Variants in LYPD1 observed in about 807,000 individuals in gnomAD.
LYPD1 encodes the protein LY6/PLAUR domain containing 1, also known as ly6/PLAUR domain-containing protein 1.
A neutral mutation model predicts 14.2 loss-of-function variants in LYPD1; 14 were observed. The observed-to-expected ratio is 0.99, with a 90% CI of 0.65 to 1.54. The LOEUF (loss-of-function observed/expected upper bound fraction) is 1.54, where lower values mean the gene tolerates loss of function less well. Ranked by LOEUF, LYPD1 falls within the 40% of genes most tolerant of loss-of-function variation. The pLI is 0.00. For missense variants in LYPD1, 165 were observed against 175.7 expected (o/e 0.94, Z 0.34); for synonymous variants, 85 against 70.6 (o/e 1.20, Z -1.02).
At chr2:132,651,923 A>C (rs1279459897) in intron 2 of LYPD1, among the ~76,000 whole-genome samples, 1 of 152,214 alleles carries the variant, frequency 6.6e-6, no homozygotes, top group Non-Finnish European at 1.5e-5. Flanking sequence ...GGCATCTCTG[A>C]AACATGAGAC....
rs1218107650 is a variant in LYPD1, at chr2:132,645,535, C to T, written c.*510G>A. 8 of 1,614,044 alleles carry T rather than the reference C, an allele frequency of 5.0e-6. No homozygotes were observed. The highest frequency in any genetic ancestry group is 2.2e-5 in the East Asian group (1 of 44,858). On this transcript the variant is annotated 3_prime_UTR_variant, in exon 3 of 3. Coordinates refer to ENST00000397463, the MANE Select transcript of LYPD1 (RefSeq NM_144586.7). ...GTCCCAGTCATTGAGTCTCGAGTCACTAGAGCCCAACTCAGGCGCGAAACC... is the reference window on the plus strand; with the variant it reads ...GTCCCAGTCATTGAGTCTCGAGTCATTAGAGCCCAACTCAGGCGCGAAACC...
chr2:132,669,556 G>A lies in LYPD1; in HGVS notation c.52+325C>T, dbSNP rs1049841459. Reference sequence around the variant, plus strand: ...CGCCAGACAACTTGGCAGGGTTCGGGAGATGTCGCCCCCTCTCCCTCGCCC... The same window carrying A: ...CGCCAGACAACTTGGCAGGGTTCGGAAGATGTCGCCCCCTCTCCCTCGCCC... On this transcript the variant is annotated intron_variant, in intron 1 of 2. Coordinates refer to ENST00000397463, the MANE Select transcript of LYPD1 (RefSeq NM_144586.7). This position sits in a 1 kb window ranked among gnomAD's most constrained non-coding sequence, Gnocchi z 4.3. Among the ~76,000 whole-genome samples, 1 of 152,128 alleles carries A rather than the reference G, an allele frequency of 6.6e-6. No homozygotes were observed. Among genetic ancestry groups the A allele is most frequent in the African/African-American group, 2.4e-5 (1 of 41,446 alleles).
intron 2 of LYPD1, among the ~76,000 whole-genome samples, chr2:132,655,221 TG>T (rs1682516989): frequency 6.6e-6 from 1 of 152,186 alleles, no homozygotes; most frequent in Non-Finnish European, 1.5e-5. Context: ...TATCTGGTCT[TG>T]TCTATGACTG....
At chr2:132,668,674 G>C in intron 1 of LYPD1, 137 bp from the exon 2 acceptor site, 1 of 1,242,056 alleles carries the variant, frequency 8.1e-7, no homozygotes, top group Non-Finnish European at 1.1e-6. Flanking sequence ...TCCGGGTAGG[G>C]CTGGATGTGG....
rs1019463190 is a variant in LYPD1 at position 132,645,410 on chromosome 2, A to C, written c.*635T>G. 1 of 1,613,608 alleles carries C rather than the reference A, an allele frequency of 6.2e-7. No individual in the cohort carries two copies. Among genetic ancestry groups the C allele is most frequent in the South Asian group, 1.1e-5 (1 of 91,056 alleles). ...ACCACCGACAGCGCCCGCTTTGTGCAGCGCCCGTTGCTCTTCGCGTCCCGG... is the reference window on the plus strand; with the variant it reads ...ACCACCGACAGCGCCCGCTTTGTGCCGCGCCCGTTGCTCTTCGCGTCCCGG... On this transcript the variant is annotated 3_prime_UTR_variant, in exon 3 of 3. Transcript: ENST00000397463.
Position 132,645,676 on chromosome 2 carries a change from A to C in LYPD1, c.*369T>G. 2.6e-6 allele frequency: 4 copies of C among 1,535,670 alleles called. No individual in the cohort carries two copies. The highest frequency in any genetic ancestry group is 3.5e-6 in the Non-Finnish European group (4 of 1,142,858). On this transcript the variant is annotated 3_prime_UTR_variant, in exon 3 of 3. Coordinates refer to ENST00000397463, the MANE Select transcript of LYPD1 (RefSeq NM_144586.7). Reference sequence around the variant, plus strand: ...TAAGAAAACGTCACTCTCACTCTGCAGTCTCAAACTATGCCCCCATCAGGG... The same window carrying C: ...TAAGAAAACGTCACTCTCACTCTGCCGTCTCAAACTATGCCCCCATCAGGG...
chr2:132,646,440 A>G lies in LYPD1; in HGVS notation c.191-160T>C, dbSNP rs1384917155. On this transcript the variant is annotated intron_variant, in intron 2 of 2. Coordinates refer to ENST00000397463, the MANE Select transcript of LYPD1 (RefSeq NM_144586.7). Reference sequence around the variant, plus strand: ...GCTTCGGATTGTCTCATTGATATTCAAGATAGATGGTGAAAGAGACAGGCA... The same window carrying G: ...GCTTCGGATTGTCTCATTGATATTCGAGATAGATGGTGAAAGAGACAGGCA... 3 of 420,892 alleles carry G rather than the reference A, an allele frequency of 7.1e-6. No individual in the cohort carries two copies. The East Asian group carries it at 1.1e-4, about 15-fold the overall frequency. The allele number at this position is 420,892 out of a possible 1,614,324, so 26.1% of individuals were successfully genotyped here.
rs1682031118 is a variant in LYPD1 at position 132,645,695 on chromosome 2, A to T, written c.*350T>A. ...CTCTGCAGTCTCAAACTATGCCCCC[A>T]TCAGGGATGGAATGGACACTGGAGG... On this transcript the variant is annotated 3_prime_UTR_variant, in exon 3 of 3. Coordinates refer to ENST00000397463, the MANE Select transcript of LYPD1 (RefSeq NM_144586.7). 1 of 1,501,974 alleles carries T rather than the reference A, an allele frequency of 6.7e-7. No homozygotes were observed. Among genetic ancestry groups the T allele is most frequent in the Non-Finnish European group, 8.9e-7 (1 of 1,120,666 alleles). 93.0% of individuals were successfully genotyped at this position (1,501,974 alleles called of 1,614,324 possible).
chr2:132,666,311 A>G (rs888554966), intron 2 of LYPD1, among the ~76,000 whole-genome samples: 11 of 152,198 alleles, frequency 7.2e-5, no homozygotes, highest in African/African-American at 2.7e-4. Context: ...CCCCCTGGAC[A>G]TTGCTCTTTT....
chr2:132,665,804 T>C (rs113924859), intron 2 of LYPD1, among the ~76,000 whole-genome samples: 24 of 152,314 alleles, frequency 1.6e-4, no homozygotes, highest in African/African-American at 5.3e-4. Flanking sequence ...TGAAATGGGC[T>C]TCTTTAAGCA....
Position 132,668,575 on chromosome 2 carries a change from C to A in LYPD1, c.53-38G>T, listed in dbSNP as rs1361868997. 9 of 1,602,052 alleles carry A rather than the reference C, an allele frequency of 5.6e-6. No homozygotes were observed. In the East Asian group the frequency reaches 9.0e-5, roughly 16 times the overall value. On this transcript the variant is annotated intron_variant, in intron 1 of 2. Transcript: ENST00000397463. ...CGCAGTCGGGTTCAGATCCGGCCCCCACAGAGCCCACCCCGGAAATCACGA... is the reference window on the plus strand; with the variant it reads ...CGCAGTCGGGTTCAGATCCGGCCCCAACAGAGCCCACCCCGGAAATCACGA...
In LYPD1 at chr2:132,669,490, G is replaced by A. The variant is rs377121558; in HGVS notation, c.52+391C>T. On this transcript the variant is annotated intron_variant, in intron 1 of 2. Transcript: ENST00000397463. The surrounding 1 kb of genome is among the most constrained non-coding windows in gnomAD (Gnocchi z 4.3). The stretch of plus-strand genomic sequence containing the variant: ...GTGGCCGCAGGCTGCCTCGCGCATC[G>A]CTCACCTGTCGGCGGCGCCACTCCC... 6.6e-6 allele frequency among the ~76,000 whole-genome samples: 1 copy of A among 152,252 alleles called. No individual in the cohort carries two copies. The highest frequency in any genetic ancestry group is 2.1e-4 in the South Asian group (1 of 4,820).
rs1294275196 is a variant in LYPD1, at chr2:132,644,128, A to T, written c.*1917T>A. Among the ~76,000 whole-genome samples, 1 of 152,154 alleles carries T rather than the reference A, an allele frequency of 6.6e-6. No individual in the cohort carries two copies. The highest frequency in any genetic ancestry group is 1.5e-5 in the Non-Finnish European group (1 of 68,010). On this transcript the variant is annotated 3_prime_UTR_variant, in exon 3 of 3. Coordinates refer to ENST00000397463, the MANE Select transcript of LYPD1 (RefSeq NM_144586.7). ...CTTTTGTCACTGTAACTAAACTCTC[A>T]TGATACCTGTGATTTCAGTTGTTTG... is the stretch of plus-strand genomic sequence containing the variant.
Position 132,651,078 on chromosome 2 carries a change from CAA to C in LYPD1, c.191-4800_191-4799del, listed in dbSNP as rs766853497. 2.6e-5 allele frequency among the ~76,000 whole-genome samples: 4 copies of C among 152,240 alleles called. No homozygotes were observed. The East Asian group carries it at 7.7e-4, about 29-fold the overall frequency. On this transcript the variant is annotated intron_variant, in intron 2 of 2. Coordinates refer to ENST00000397463, the MANE Select transcript of LYPD1 (RefSeq NM_144586.7). ...GCATAAAAATGTATGGAAAAATACA[CAA>C]AAAAGAGATAATATTGGTTGTCTCT...
chr2:132,654,399 C>CAA (rs3043653), intron 2 of LYPD1, among the ~76,000 whole-genome samples: 11 of 138,026 alleles, frequency 8.0e-5, no homozygotes, highest in African/African-American at 2.4e-4. Flanking sequence ...GACCCTGTCT[C>CAA]AAAAAAAAAA....
rs1372566986 is a variant in LYPD1, at chr2:132,643,852, A to T, written c.*2193T>A. 6.6e-6 allele frequency among the ~76,000 whole-genome samples: 1 copy of T among 152,236 alleles called. No homozygotes were observed. Among genetic ancestry groups the T allele is most frequent in the African/African-American group, 2.4e-5 (1 of 41,452 alleles). On this transcript the variant is annotated 3_prime_UTR_variant, in exon 3 of 3. Transcript: ENST00000397463. The stretch of plus-strand genomic sequence containing the variant: ...ATTAATAGAATATTTACCATGGGTC[A>T]TAGGCAGGAAGCATTCATTGCCAAC...
Position 132,646,681 on chromosome 2 carries a change from T to TTTTGC in LYPD1, c.191-406_191-402dup, listed in dbSNP as rs1682108664. ...AGCAGTGCTTCTAGATTTTATCTCA[T>TTTTGC]TTTGCTTTATAAGCGGCCACAGAGC... On this transcript the variant is annotated intron_variant, in intron 2 of 2. Coordinates refer to ENST00000397463, the MANE Select transcript of LYPD1 (RefSeq NM_144586.7). 1.9e-5 allele frequency: 3 copies of TTTTGC among 160,710 alleles called. No individual in the cohort carries two copies. The Admixed American group carries it at 1.9e-4, about 10-fold the overall frequency. 10.0% of individuals were successfully genotyped at this position (160,710 alleles called of 1,614,324 possible).
chr2:132,659,675 C>T (rs956242509), intron 2 of LYPD1, among the ~76,000 whole-genome samples: 1 of 152,178 alleles, frequency 6.6e-6, no homozygotes, highest in African/African-American at 2.4e-5. Context: ...AATGTTAACT[C>T]ATCAGCCTCC....
At position 132,645,271 on chromosome 2, in the gene LYPD1, C is replaced by A; in HGVS notation, c.*774G>T. On this transcript the variant is annotated 3_prime_UTR_variant, in exon 3 of 3. Transcript: ENST00000397463. ...CCTCAGCTCGGTCATCAACCCGCTC[C>A]TGTACACGGTGTCCTCGCAGCAGTT... 6.2e-7 allele frequency: 1 copy of A among 1,614,228 alleles called. No homozygotes were observed.
Sources: gnomAD v4.1 joint callset for allele counts (sites outside exome capture counted in the v4.1 genomes callset) on GRCh38, gnomAD v4.1.1 for gene constraint, Gnocchi (gnomAD v3.1) non-coding constraint, MANE v1.5 for transcripts, NCBI Gene and HGNC (gene_info 2026-07-23, HGNC 2026-07-21) for gene names.